SESN1: variants seen among roughly 807,000 people sequenced by gnomAD.
SESN1 encodes sestrin-1.
A neutral mutation model predicts 59.3 loss-of-function variants in SESN1; 30 were observed. The observed-to-expected ratio is 0.51, with a 90% CI of 0.38 to 0.69. The LOEUF is 0.69. Among genes scored for constraint, SESN1 ranks in the 30% least tolerant of loss-of-function variants. The pLI, the probability that SESN1 is intolerant of heterozygous loss-of-function variation, is 0.00. For missense variants in SESN1, 566 were observed against 673.0 expected (o/e 0.84, Z 1.76); for synonymous variants, 197 against 219.9 (o/e 0.90, Z 0.92).
rs1030697901 is a variant in SESN1 at position 108,984,890 on chromosome 6, A to G, written c.*2654T>C. Among the ~76,000 whole-genome samples, 2 of 152,068 alleles carry G rather than the reference A, an allele frequency of 1.3e-5. No homozygotes were observed. Among genetic ancestry groups the G allele is most frequent in the East Asian group, 3.9e-4 (2 of 5,172 alleles). On this transcript the variant is annotated 3_prime_UTR_variant, in exon 10 of 10. Coordinates refer to ENST00000436639, the MANE Select transcript of SESN1 (RefSeq NM_014454.3). Reference sequence around the variant, plus strand: ...CTTTTCCTGGCTTTGCATTTGCCTAAATGCTGCAGTTTCCCAATTGGTTTC... The same window carrying G: ...CTTTTCCTGGCTTTGCATTTGCCTAGATGCTGCAGTTTCCCAATTGGTTTC...
In SESN1 at chr6:109,066,509, G is replaced by A. The variant is rs141057635; in HGVS notation, c.279+27286C>T. 5.5e-3 allele frequency among the ~76,000 whole-genome samples: 843 copies of A among 152,102 alleles called. 9 individuals are homozygous for A. Among genetic ancestry groups the A allele is most frequent in the African/African-American group, 0.018 (746 of 41,502 alleles). ...TACTCTATTTCCCTTAAGAAATATC[G>A]ACCAATTCAAGTAACCAAGATCCAG... On this transcript the variant is annotated intron_variant, in intron 1 of 9. Coordinates refer to ENST00000436639, the MANE Select transcript of SESN1 (RefSeq NM_014454.3).
intron 1 of SESN1, among the ~76,000 whole-genome samples, chr6:109,039,813 G>C (rs1488988052): frequency 6.6e-6 from 1 of 152,192 alleles, no homozygotes; most frequent in African/African-American, 2.4e-5. Flanking sequence ...GTCTTAACTA[G>C]AGTCTTGTTC....
intron 8 of SESN1, among the ~76,000 whole-genome samples, chr6:108,989,243 T>G (rs1779289726): frequency 6.6e-6 from 1 of 152,186 alleles, no homozygotes; most frequent in Non-Finnish European, 1.5e-5. Context: ...CCTCAAGTGA[T>G]CTGCCCGCCT....
chr6:109,017,031 A>G (rs1264107170), intron 1 of SESN1, among the ~76,000 whole-genome samples: 2 of 151,996 alleles, frequency 1.3e-5, no homozygotes, highest in African/African-American at 4.8e-5. Flanking sequence ...TATATATTTT[A>G]TATTTTATAT....
intron 1 of SESN1, among the ~76,000 whole-genome samples, chr6:109,070,376 A>G (rs959536321): frequency 1.3e-5 from 2 of 152,134 alleles, no homozygotes; most frequent in Admixed American, 1.3e-4. Flanking sequence ...TGTCCTCCCT[A>G]TGGCTGAACA....
rs572630127 is a variant in SESN1, at chr6:108,984,732, A to G, written c.*2812T>C. ...TTCATTGTTAGTGTATAGAAATACA[A>G]CTGATTTTTGTGTGCTGACTTTGTA... On this transcript the variant is annotated 3_prime_UTR_variant, in exon 10 of 10. Transcript: ENST00000436639. 3.3e-5 allele frequency among the ~76,000 whole-genome samples: 5 copies of G among 152,350 alleles called. No individual in the cohort carries two copies. The highest frequency in any genetic ancestry group is 6.5e-5 in the Admixed American group (1 of 15,302).
intron 1 of SESN1, among the ~76,000 whole-genome samples, chr6:109,067,213 T>C (rs1780844185): frequency 6.6e-6 from 1 of 152,072 alleles, no homozygotes; most frequent in African/African-American, 2.4e-5. Context: ...TTCCCCTCCC[T>C]ATCTGTAGGT....
At chr6:109,078,416 C>A (rs933675036) in intron 1 of SESN1, among the ~76,000 whole-genome samples, 2 of 152,018 alleles carry the variant, frequency 1.3e-5, no homozygotes, top group East Asian at 1.9e-4. Flanking sequence ...AATAATAATC[C>A]TTTATGTCTA....
chr6:108,992,139 C>G (rs187647684), intron 7 of SESN1, among the ~76,000 whole-genome samples: 1 of 152,164 alleles, frequency 6.6e-6, no homozygotes, highest in African/African-American at 2.4e-5. Context: ...CACTCTGTCA[C>G]CCAGGCTGGA....
intron 1 of SESN1, chr6:109,009,074 T>C (rs1264260998): frequency 1.2e-5 from 11 of 897,622 alleles, no homozygotes; most frequent in Non-Finnish European, 1.6e-5. Context: ...AGACTTTCAT[T>C]TACATGACCG....
intron 1 of SESN1, among the ~76,000 whole-genome samples, chr6:109,066,391 T>G (rs1583293685): frequency 6.6e-6 from 1 of 152,080 alleles, no homozygotes; most frequent in East Asian, 1.9e-4. Flanking sequence ...ATTATTTCTC[T>G]TTGTCTCCCT....
At chr6:108,994,424 T>A in intron 6 of SESN1, 38 bp downstream of exon 6, 1 of 1,527,494 alleles carries the variant, frequency 6.5e-7, no homozygotes, top group East Asian at 2.3e-5. Context: ...AAGTTGAGTT[T>A]GCAATAATTA....
chr6:109,060,888 C>T (rs1192222459), intron 1 of SESN1, among the ~76,000 whole-genome samples: 1 of 152,154 alleles, frequency 6.6e-6, no homozygotes, highest in Admixed American at 6.5e-5. Flanking sequence ...AGGCAACTTT[C>T]AATGTCTCCA....
chr6:109,039,956 G>A (rs1700835487), intron 1 of SESN1, among the ~76,000 whole-genome samples: 1 of 152,202 alleles, frequency 6.6e-6, no homozygotes, highest in Non-Finnish European at 1.5e-5. Context: ...CTGTGGCTGG[G>A]ATTTCACAAA....
Position 109,044,311 on chromosome 6 carries a change from CAAAAAAAAAAAAAAA to C in SESN1, c.280-41983_280-41969del, listed in dbSNP as rs71015570. ...TAGATGACACAGTGAGAACTTGCCT[CAAAAAAAAAAAAAAA>C]AAAAAAAAAAAAAAAAAAAAAAAGG... On this transcript the variant is annotated intron_variant, in intron 1 of 9. Coordinates refer to ENST00000436639, the MANE Select transcript of SESN1 (RefSeq NM_014454.3). 2.8e-3 allele frequency among the ~76,000 whole-genome samples: 79 copies of C among 28,442 alleles called. 1 individual carries two copies. The highest frequency in any genetic ancestry group is 0.01 in the East Asian group (4 of 388). The allele number at this position is 28,442 out of a possible 152,430, so 18.7% of individuals were successfully genotyped here.
rs1489539061 is a variant in SESN1 at position 109,021,548 on chromosome 6, G to A, written c.280-19205C>T. 6.0e-5 allele frequency among the ~76,000 whole-genome samples: 9 copies of A among 151,014 alleles called. No homozygotes were observed. In the East Asian group the frequency reaches 1.8e-3, roughly 29 times the overall value. On this transcript the variant is annotated intron_variant, in intron 1 of 9. Transcript: ENST00000436639. ...TGCCTCCCGGGTTCAAGCAATTCTC[G>A]TGCCTCAGCCTCGCAATTAGCTGGG...
intron 1 of SESN1, among the ~76,000 whole-genome samples, chr6:109,064,520 A>G (rs1018340537): frequency 1.4e-5 from 2 of 146,202 alleles, no homozygotes; most frequent in African/African-American, 5.1e-5. Context: ...CAATCACCAA[A>G]TCAAAACATG....
chr6:109,083,771 T>C (rs753796400), intron 1 of SESN1, among the ~76,000 whole-genome samples: 10 of 152,240 alleles, frequency 6.6e-5, no homozygotes, highest in Non-Finnish European at 1.0e-4. Context: ...TTCGGTACCA[T>C]TGAACATATC....
intron 6 of SESN1, among the ~76,000 whole-genome samples, chr6:108,993,897 C>T (rs952864651): frequency 1.3e-5 from 2 of 151,880 alleles, no homozygotes; most frequent in Admixed American, 6.6e-5. Flanking sequence ...AGAATTTTAA[C>T]TCTAGAAGCA....
Sources: gnomAD v4.1 joint callset for allele counts (sites outside exome capture counted in the v4.1 genomes callset) on GRCh38, gnomAD v4.1.1 for gene constraint, MANE v1.5 for transcripts, NCBI Gene and HGNC (gene_info 2026-07-23, HGNC 2026-07-21) for gene names.